The following CDYL2 variants were observed in gnomAD, a reference collection of about 807,000 sequenced individuals.
The protein encoded by CDYL2 is chromodomain Y like 2.
CDYL2 carries 23 observed loss-of-function variants against 49.4 expected under a neutral mutation model. That is an observed-to-expected ratio of 0.47 (90% confidence interval 0.34 to 0.66). The LOEUF (loss-of-function observed/expected upper bound fraction) is 0.66. CDYL2 is among the 30% of genes least tolerant of loss of function. The pLI is 0.01. For synonymous variants in CDYL2, 360 were observed against 268.8 expected (o/e 1.34, Z -3.32); for missense variants, 678 against 656.4 (o/e 1.03, Z -0.36).
At chr16:80,691,776 G>A (rs1469519597) in intron 1 of CDYL2, among the ~76,000 whole-genome samples, 1 of 152,126 alleles carries the variant, frequency 6.6e-6, no homozygotes, top group African/African-American at 2.4e-5. Flanking sequence ...GTTTTTAAAA[G>A]AGAGAGAAGA....
intron 1 of CDYL2, among the ~76,000 whole-genome samples, chr16:80,751,361 T>C (rs1172899785): frequency 3.3e-5 from 5 of 152,312 alleles, no homozygotes; most frequent in Admixed American, 2.6e-4. Context: ...AACCTGACAC[T>C]TAGCATTCTG....
intron 2 of CDYL2, among the ~76,000 whole-genome samples, chr16:80,658,489 G>C (rs1487554868): frequency 2.0e-5 from 3 of 152,050 alleles, no homozygotes; most frequent in African/African-American, 7.2e-5. Context: ...TAAGAATGGA[G>C]CAATTCTAAG....
rs1315179446 is a variant in CDYL2 at position 80,598,803 on chromosome 16, T to C, written c.*5585A>G. 6.6e-6 allele frequency: 1 copy of C among 151,946 alleles called. No homozygotes were observed. The highest frequency in any genetic ancestry group is 1.5e-5 in the Non-Finnish European group (1 of 67,998). The allele number at this position is 151,946 out of a possible 1,614,324, so 9.4% of individuals were successfully genotyped here. A position where few individuals can be genotyped will look rare whatever the true frequency, so the allele number is the denominator to read the frequency against. On this transcript the variant is annotated 3_prime_UTR_variant, in exon 7 of 7. Coordinates refer to ENST00000570137, the MANE Select transcript of CDYL2 (RefSeq NM_152342.4). ...ATGGCCAGCCAGGGGGAGCATGAGG[T>C]TGGTGGAAGTCAGCAGTTTCTCTGC...
In CDYL2 at chr16:80,684,562, C is replaced by T. The variant is rs762910339; in HGVS notation, c.592G>A (p.Ala198Thr). Reference sequence around the variant, plus strand: ...CCGAGCCCGTTCTCCGCCAGTGTAGCGTGATTCACGTCACATTCACCCATA... The same window carrying T: ...CCGAGCCCGTTCTCCGCCAGTGTAGTGTGATTCACGTCACATTCACCCATA... ...QDMGECDVNH[A>T]TLAENGLGSA... Residue 198 changes from alanine to threonine, a missense_variant, in exon 2 of 7, where the codon GCT becomes ACT. Around this residue, in one of 3 missense-constraint regions of CDYL2, gnomAD observed 478 missense variants for 427.0 expected, o/e 1.12. Coordinates refer to ENST00000570137, the MANE Select transcript of CDYL2 (RefSeq NM_152342.4). 19 of 1,613,736 alleles carry T rather than the reference C, an allele frequency of 1.2e-5. No individual in the cohort carries two copies. The highest frequency in any genetic ancestry group is 5.3e-5 in the African/African-American group (4 of 74,914).
intron 5 of CDYL2, among the ~76,000 whole-genome samples, chr16:80,610,094 G>A (rs898249365): frequency 1.3e-5 from 2 of 152,182 alleles, no homozygotes; most frequent in Admixed American, 6.5e-5. Flanking sequence ...TATGGTTGGT[G>A]ATGTTATTTT....
chr16:80,646,334 C>G (rs1159236764), intron 2 of CDYL2, among the ~76,000 whole-genome samples: 1 of 152,002 alleles, frequency 6.6e-6, no homozygotes, highest in Non-Finnish European at 1.5e-5. Context: ...AAATCACCTT[C>G]ACTAAAAGGA....
chr16:80,718,412 A>G (rs1904884377), intron 1 of CDYL2, among the ~76,000 whole-genome samples: 1 of 152,172 alleles, frequency 6.6e-6, no homozygotes, highest in Non-Finnish European at 1.5e-5. Flanking sequence ...AGGGGAGGTT[A>G]GGACTATCAT....
chr16:80,765,748 A>T (rs1906698632), intron 1 of CDYL2, among the ~76,000 whole-genome samples: 1 of 149,756 alleles, frequency 6.7e-6, no homozygotes, highest in Non-Finnish European at 1.5e-5. Context: ...AAAAAAAAAA[A>T]AAAGGGAATG....
At chr16:80,637,607 G>C (rs1378467229) in intron 2 of CDYL2, among the ~76,000 whole-genome samples, 1 of 152,186 alleles carries the variant, frequency 6.6e-6, no homozygotes, top group African/African-American at 2.4e-5. Flanking sequence ...ACAGACAAAA[G>C]TCAGTTACTT....
intron 2 of CDYL2, among the ~76,000 whole-genome samples, chr16:80,664,026 G>A (rs551123733): frequency 1.8e-3 from 193 of 105,162 alleles, no homozygotes; most frequent in Non-Finnish European, 2.5e-3. Context: ...AACTCCAAAA[G>A]CTCTATTATG....
intron 1 of CDYL2, among the ~76,000 whole-genome samples, chr16:80,748,506 TAAAAAAAAAAAA>T (rs538432449): frequency 0.018 from 345 of 19,140 alleles, 8 homozygotes; most frequent in African/African-American, 0.045. Flanking sequence ...AAAACTCCAT[TAAAAAAAAAAAA>T]AAAAAAAAAA....
chr16:80,774,941 C>CTGG (rs1324937408), intron 1 of CDYL2, among the ~76,000 whole-genome samples: 1 of 151,544 alleles, frequency 6.6e-6, no homozygotes, highest in Non-Finnish European at 1.5e-5. Flanking sequence ...AGGACTTACT[C>CTGG]TAAGACACAG....
chr16:80,673,522 T>C (rs1305635602), intron 2 of CDYL2, among the ~76,000 whole-genome samples: 1 of 152,186 alleles, frequency 6.6e-6, no homozygotes, highest in Non-Finnish European at 1.5e-5. Flanking sequence ...ATTAAGGTAG[T>C]TTCCTTCACA....
chr16:80,654,269 C>A (rs1438030961), intron 2 of CDYL2, among the ~76,000 whole-genome samples: 2 of 152,172 alleles, frequency 1.3e-5, no homozygotes, highest in Non-Finnish European at 2.9e-5. Flanking sequence ...GTCCCATGCC[C>A]CTCCTAAGGA....
intron 2 of CDYL2, among the ~76,000 whole-genome samples, chr16:80,634,224 T>A (rs920157910): frequency 6.6e-6 from 1 of 152,168 alleles, no homozygotes. Context: ...CTATTCACAA[T>A]AGCTCACACT....
chr16:80,604,703 C>G (rs138442482), intron 6 of CDYL2, among the ~76,000 whole-genome samples, 157 bp from the exon 7 acceptor site: 311 of 152,248 alleles, frequency 2.0e-3, no homozygotes, highest in Non-Finnish European at 3.0e-3. Flanking sequence ...GTTTCCAGCA[C>G]GGCCATGAAT....
intron 2 of CDYL2, among the ~76,000 whole-genome samples, chr16:80,672,385 T>G (rs1909553789): frequency 6.9e-6 from 1 of 145,000 alleles, no homozygotes. Flanking sequence ...AGAACAGGCT[T>G]TCCCTTTGTG....
chr16:80,631,840 T>A (rs28641984), intron 3 of CDYL2, among the ~76,000 whole-genome samples: 2 of 152,114 alleles, frequency 1.3e-5, no homozygotes, highest in Non-Finnish European at 2.9e-5. Context: ...CACAATGAGA[T>A]ACCACCTCAC....
At chr16:80,665,296 G>A (rs1409336957) in intron 2 of CDYL2, among the ~76,000 whole-genome samples, 1 of 151,952 alleles carries the variant, frequency 6.6e-6, no homozygotes, top group East Asian at 1.9e-4. Flanking sequence ...CCACGTTCAT[G>A]TAGGGCACTG....
Sources: gnomAD v4.1 joint callset for allele counts (sites outside exome capture counted in the v4.1 genomes callset) on GRCh38, gnomAD v4.1.1 for gene constraint, gnomAD v4.1.1 regional missense constraint, MANE v1.5 for transcripts, NCBI Gene and HGNC (gene_info 2026-07-23, HGNC 2026-07-21) for gene names.